Variants in SEL1L3 observed in about 807,000 individuals in gnomAD.
SEL1L3 encodes SEL1L family member 3.
SEL1L3 carries 76 observed loss-of-function variants against 142.8 expected under a neutral mutation model. The ratio of observed to expected loss-of-function variants is 0.53; its 90% CI spans 0.44 to 0.64. The LOEUF (loss-of-function observed/expected upper bound fraction) is 0.64. Among genes scored for constraint, SEL1L3 ranks in the 30% least tolerant of loss-of-function variants. The pLI is 0.00. For synonymous variants in SEL1L3, 504 were observed against 519.6 expected, an observed-to-expected ratio of 0.97 and a Z score of 0.41; for missense variants, 1,262 against 1,381.7, an observed-to-expected ratio of 0.91 and a Z score of 1.37.
At chr4:25,715,357 A>C in the SEL1L3 span, among the ~76,000 whole-genome samples, 1 of 152,130 alleles carries the variant, frequency 6.6e-6, no homozygotes, top group African/African-American at 2.4e-5. Flanking sequence ...TTAAAAAAGA[A>C]ATGCAAATAA....
Position 25,794,694 on chromosome 4 carries a change from C to T in SEL1L3, c.1957-4120G>A, listed in dbSNP as rs371061031. Among the ~76,000 whole-genome samples the T allele has an allele frequency of 6.6e-5, 10 of 152,258 alleles. No individual in the cohort carries two copies. In the East Asian group the frequency reaches 1.7e-3, roughly 26 times the overall value. On this transcript the variant is annotated intron_variant, in intron 11 of 23. Transcript: ENST00000399878. Reference sequence around the variant, plus strand: ...ACCTAGAACCAGAAATAACATTTGACCCAGCAATCCCATTACCGGGTATAT... The same window carrying T: ...ACCTAGAACCAGAAATAACATTTGATCCAGCAATCCCATTACCGGGTATAT...
chr4:25,715,964 C>T, the SEL1L3 span, among the ~76,000 whole-genome samples: 1 of 152,112 alleles, frequency 6.6e-6, no homozygotes, highest in African/African-American at 2.4e-5. Context: ...ACTATATGCT[C>T]TTTTGTACCT....
At chr4:25,787,734 G>A (rs916723070) in intron 13 of SEL1L3, among the ~76,000 whole-genome samples, 1 of 152,182 alleles carries the variant, frequency 6.6e-6, no homozygotes, top group Non-Finnish European at 1.5e-5. Context: ...TGACTCCAAG[G>A]ACATACCTGA....
intron 8 of SEL1L3, 96 bp downstream of exon 8, chr4:25,819,712 T>C: frequency 8.3e-7 from 1 of 1,206,908 alleles, no homozygotes; most frequent in Non-Finnish European, 1.1e-6. Flanking sequence ...AGCCAAGTCA[T>C]ATATGTTTAA....
chr4:25,800,346 T>C (rs1391091131), intron 11 of SEL1L3, among the ~76,000 whole-genome samples: 1 of 152,240 alleles, frequency 6.6e-6, no homozygotes, highest in Non-Finnish European at 1.5e-5. Context: ...ATGACACAAC[T>C]CTTCTAACTG....
chr4:25,806,134 G>C (rs1713550237), intron 9 of SEL1L3, among the ~76,000 whole-genome samples: 1 of 151,256 alleles, frequency 6.6e-6, no homozygotes, highest in Non-Finnish European at 1.5e-5. Context: ...CGCCTCCTGG[G>C]TTCACGCCAT....
chr4:25,805,038 G>A (rs1463727208), intron 9 of SEL1L3, among the ~76,000 whole-genome samples: 2 of 152,222 alleles, frequency 1.3e-5, no homozygotes, highest in African/African-American at 2.4e-5. Context: ...AATTTACTCA[G>A]TGTAACTCAT....
At chr4:25,765,697 G>A (rs775550125) in intron 19 of SEL1L3, among the ~76,000 whole-genome samples, 6 of 151,820 alleles carry the variant, frequency 4.0e-5, no homozygotes, top group Non-Finnish European at 8.8e-5. Flanking sequence ...GGAATACAGC[G>A]GTGAGATCAG....
chr4:25,839,810 A>G (rs1716059406), intron 2 of SEL1L3, among the ~76,000 whole-genome samples: 1 of 125,976 alleles, frequency 7.9e-6, no homozygotes, highest in African/African-American at 2.5e-5. Context: ...TTCGTCTACG[A>G]AAGAAAAGAA....
At chr4:25,717,402 A>G in the SEL1L3 span, among the ~76,000 whole-genome samples, 1 of 152,192 alleles carries the variant, frequency 6.6e-6, no homozygotes, top group Middle Eastern at 3.2e-3. Flanking sequence ...ACAGTGGCTC[A>G]CGCCTGTAAT....
At chr4:25,751,408 G>A (rs1330668995) in intron 23 of SEL1L3, among the ~76,000 whole-genome samples, 21 of 152,052 alleles carry the variant, frequency 1.4e-4, no homozygotes, top group Non-Finnish European at 1.5e-5. Context: ...GAGTTCCCAG[G>A]TGACCCAGAA....
At chr4:25,858,640 C>T (rs2109327705) in intron 1 of SEL1L3, among the ~76,000 whole-genome samples, 1 of 152,164 alleles carries the variant, frequency 6.6e-6, no homozygotes, top group African/African-American at 2.4e-5. Flanking sequence ...GGCTGGAGTG[C>T]AGCGGCGCGA....
chr4:25,821,834 T>C (rs1023803313), intron 7 of SEL1L3, among the ~76,000 whole-genome samples, 162 bp downstream of exon 7: 1 of 152,210 alleles, frequency 6.6e-6, no homozygotes, highest in Non-Finnish European at 1.5e-5. Context: ...GAAATTTTTA[T>C]TGCATTTGCT....
At chr4:25,834,259 C>T (rs1715635211) in intron 3 of SEL1L3, among the ~76,000 whole-genome samples, 1 of 152,222 alleles carries the variant, frequency 6.6e-6, no homozygotes, top group African/African-American at 2.4e-5. Flanking sequence ...AACCAGGACA[C>T]ATTTAGCCAA....
At chr4:25,723,511 G>C in the SEL1L3 span, among the ~76,000 whole-genome samples, 1 of 152,160 alleles carries the variant, frequency 6.6e-6, no homozygotes, top group African/African-American at 2.4e-5. Context: ...ATCAGGAAAT[G>C]TATACCTCAA....
chr4:25,739,220 AC>A, the SEL1L3 span, among the ~76,000 whole-genome samples: 2 of 151,888 alleles, frequency 1.3e-5, no homozygotes, highest in Non-Finnish European at 2.9e-5. Context: ...AAAAAGAAAA[AC>A]AAAAACAACA....
rs564543154 is a variant in SEL1L3 at position 25,846,217 on chromosome 4, C to T, written c.733+1077G>A. Among the ~76,000 whole-genome samples the T allele has an allele frequency of 1.2e-4, 18 of 152,328 alleles. No individual in the cohort carries two copies. The Middle Eastern group carries it at 0.01, about 86-fold the overall frequency. On this transcript the variant is annotated intron_variant, in intron 2 of 23. Transcript: ENST00000399878. ...AACTTCAGAGTGCCGCCTCTCAGCA[C>T]ATGCCTGAGATCTCCAGCCCCACGG...
At chr4:25,791,581 G>A (rs1179522502) in intron 11 of SEL1L3, among the ~76,000 whole-genome samples, 1 of 152,200 alleles carries the variant, frequency 6.6e-6, no homozygotes, top group Admixed American at 6.5e-5. Flanking sequence ...AAAAAATTGG[G>A]TCTGCACTAG....
In SEL1L3 at chr4:25,833,817, A is replaced by G. The variant is rs76697262; in HGVS notation, c.861-248T>C. On this transcript the variant is annotated intron_variant, in intron 3 of 23. Transcript: ENST00000399878. ...GCAGACTTTCTACCTTGCACCAAAA[A>G]CTCTGTTTCTCTGCCTCTTTGAGAA... Among the ~76,000 whole-genome samples, 1,092 of 151,928 alleles carry G rather than the reference A, an allele frequency of 7.2e-3. 12 individuals are homozygous for G. Among genetic ancestry groups the G allele is most frequent in the African/African-American group, 0.025 (1,037 of 41,414 alleles).
Sources: gnomAD v4.1 joint callset for allele counts (sites outside exome capture counted in the v4.1 genomes callset) on GRCh38, gnomAD v4.1.1 for gene constraint, MANE v1.5 for transcripts, NCBI Gene and HGNC (gene_info 2026-07-23, HGNC 2026-07-21) for gene names.